MPP2: variants seen among roughly 807,000 people sequenced by gnomAD.
The protein encoded by MPP2 is MAGUK p55 subfamily member 2.
Under a neutral mutation model 58.5 loss-of-function variants are expected in MPP2, and 42 were observed. The ratio of observed to expected loss-of-function variants is 0.72; its 90% CI spans 0.56 to 0.93. The LOEUF (loss-of-function observed/expected upper bound fraction) is 0.93. Ranked by LOEUF, MPP2 falls within the 40% of genes least tolerant of loss-of-function variation. The pLI is 0.00. For synonymous variants in MPP2, 300 were observed against 307.8 expected, an observed-to-expected ratio of 0.97 and a Z score of 0.26; for missense variants, 632 against 760.4, an observed-to-expected ratio of 0.83 and a Z score of 1.99.
intron 2 of MPP2, among the ~76,000 whole-genome samples, chr17:43,903,036 A>G (rs899368445): frequency 3.0e-4 from 46 of 152,228 alleles, no homozygotes; most frequent in African/African-American, 1.1e-3. Flanking sequence ...CTGTAATCCC[A>G]GCACTTTGGG....
At chr17:43,898,557 G>A (rs1365931537) in intron 2 of MPP2, among the ~76,000 whole-genome samples, 177 bp from the exon 3 acceptor site, 2 of 149,812 alleles carry the variant, frequency 1.3e-5, no homozygotes, top group African/African-American at 2.5e-5. Context: ...GCCTGGGACA[G>A]GGATCCTGGA....
chr17:43,881,197 C>G, intron 8 of MPP2, 39 bp from the exon 9 acceptor site: 1 of 1,613,660 alleles, frequency 6.2e-7, no homozygotes, highest in Non-Finnish European at 8.5e-7. Context: ...CAGACAGGGC[C>G]CTGTTGGATC....
At chr17:43,901,620 G>C (rs1444605781) in intron 2 of MPP2, 20 of 980,906 alleles carry the variant, frequency 2.0e-5, no homozygotes, top group Non-Finnish European at 2.2e-5. Flanking sequence ...GTAACCCAGG[G>C]ATGGAGGAGA....
At chr17:43,894,444 T>TATATATATATATATATATATATATAC (rs1437854675) in intron 3 of MPP2, among the ~76,000 whole-genome samples, 5 of 81,278 alleles carry the variant, frequency 6.2e-5, no homozygotes, top group Non-Finnish European at 2.4e-5. Flanking sequence ...TATATATATA[T>TATATATATATATATATATATATATAC]ACACACACAC....
chr17:43,882,376 G>A lies in MPP2; in HGVS notation c.589C>T (p.Pro197Ser). ...EVNGQPVGSD[P>S]RALQELLRNA... Reference sequence around the variant, plus strand: ...CGCAGGAGCTCCTGCAGTGCGCGGGGGTCACTGCCCACTGGCTGCCCGTTC... The same window carrying A: ...CGCAGGAGCTCCTGCAGTGCGCGGGAGTCACTGCCCACTGGCTGCCCGTTC... Residue 197 changes from proline to serine, a missense_variant, in exon 6 of 13, where the codon CCC (proline) becomes TCC (serine). Physicochemically the swap from Pro to Ser is moderately conservative, Grantham distance 74. Coordinates refer to ENST00000269095, the MANE Select transcript of MPP2 (RefSeq NM_005374.5). 1.2e-6 allele frequency: 2 copies of A among 1,612,258 alleles called. No homozygotes were observed. Among genetic ancestry groups the A allele is most frequent in the Non-Finnish European group, 1.7e-6 (2 of 1,179,982 alleles).
At chr17:43,893,774 C>T (rs2047703520) in intron 3 of MPP2, among the ~76,000 whole-genome samples, 1 of 152,142 alleles carries the variant, frequency 6.6e-6, no homozygotes, top group African/African-American at 2.4e-5. Flanking sequence ...CACCCTGATC[C>T]GTGGAAAAAT....
chr17:43,893,042 G>C (rs1204452937), intron 3 of MPP2, among the ~76,000 whole-genome samples: 1 of 151,518 alleles, frequency 6.6e-6, no homozygotes, highest in East Asian at 1.9e-4. Context: ...ATGGACAAAT[G>C]AGTGAATGAC....
intron 1 of MPP2, chr17:43,907,017 C>G (rs2143817299): frequency 3.9e-6 from 1 of 254,350 alleles, no homozygotes; most frequent in East Asian, 1.8e-4. Context: ...GGACCCCCTC[C>G]CAGGGAAGAT....
intron 6 of MPP2, among the ~76,000 whole-genome samples, chr17:43,882,042 T>C (rs1375710348): frequency 6.6e-6 from 1 of 152,228 alleles, no homozygotes; most frequent in Non-Finnish European, 1.5e-5. Context: ...AGGCGCTCTC[T>C]CATACACTTG....
intron 12 of MPP2, among the ~76,000 whole-genome samples, chr17:43,878,536 C>T (rs2046950512): frequency 6.6e-6 from 1 of 152,236 alleles, no homozygotes; most frequent in African/African-American, 2.4e-5. Context: ...TGCATCCCAA[C>T]AGCTCCAGTT....
chr17:43,909,567 T>G (rs756560381), upstream of MPP2: 10 of 1,473,192 alleles, frequency 6.8e-6, no homozygotes, highest in East Asian at 2.7e-4. Flanking sequence ...CATCAAATCT[T>G]CCATTCCATT....
chr17:43,904,549 G>C, intron 1 of MPP2, 56 bp from the exon 2 acceptor site: 4 of 1,489,860 alleles, frequency 2.7e-6, no homozygotes, highest in Non-Finnish European at 3.7e-6. Flanking sequence ...ATGGGGAAGG[G>C]AATAGGAAGA....
intron 4 of MPP2, 33 bp from the exon 5 acceptor site, chr17:43,883,085 G>C (rs1597766477): frequency 6.3e-7 from 1 of 1,590,788 alleles, no homozygotes. Flanking sequence ...GGGACAATGG[G>C]GCAGTGTCCC....
chr17:43,902,128 G>A (rs752431817), intron 2 of MPP2, among the ~76,000 whole-genome samples: 7 of 152,142 alleles, frequency 4.6e-5, no homozygotes, highest in Non-Finnish European at 7.4e-5. Context: ...GACAGAGGCT[G>A]CCTGAAGGAA....
intron 3 of MPP2, among the ~76,000 whole-genome samples, chr17:43,888,335 TAGCATTTGGG>T (rs2047456548): frequency 1.3e-5 from 2 of 151,992 alleles, no homozygotes; most frequent in African/African-American, 4.8e-5. Flanking sequence ...GGCAGAGGAG[TAGCATTTGGG>T]GAAAGGAACA....
At chr17:43,907,603 G>A (rs548406019), upstream of MPP2, 40 of 985,482 alleles carry the variant, frequency 4.1e-5, no homozygotes, top group Non-Finnish European at 4.7e-5. Flanking sequence ...GAGGTCCGGA[G>A]GAGAGGGGAG....
At chr17:43,887,894 A>G (rs373572889) in intron 3 of MPP2, among the ~76,000 whole-genome samples, 1 of 152,312 alleles carries the variant, frequency 6.6e-6, no homozygotes, top group East Asian at 1.9e-4. Flanking sequence ...ATACACAATG[A>G]AACACTTGCA....
chr17:43,907,946 G>A (rs2048356926), upstream of MPP2: 7 of 985,390 alleles, frequency 7.1e-6, no homozygotes, highest in Admixed American at 2.5e-4. Context: ...AAAAGAATAG[G>A]AGGACTTCAG....
intron 3 of MPP2, among the ~76,000 whole-genome samples, chr17:43,894,444 T>TATATATATATATATATAC (rs1437854675): frequency 2.5e-4 from 20 of 81,256 alleles, no homozygotes; most frequent in African/African-American, 6.0e-4. Flanking sequence ...TATATATATA[T>TATATATATATATATATAC]ACACACACAC....
Sources: allele counts gnomAD v4.1 joint callset (sites outside exome capture counted in the v4.1 genomes callset), GRCh38; gene constraint gnomAD v4.1.1; transcripts MANE v1.5; gene names NCBI Gene and HGNC (gene_info 2026-07-23, HGNC 2026-07-21).